The following KATNIP variants were observed in gnomAD, a reference collection of about 807,000 sequenced individuals.
KATNIP encodes the protein katanin-interacting protein.
Under a neutral mutation model 174.0 loss-of-function variants are expected in KATNIP, and 126 were observed. The observed-to-expected ratio is 0.72, with a 90% CI of 0.63 to 0.84. KATNIP has a LOEUF of 0.84. Among genes scored for constraint, KATNIP ranks in the 40% least tolerant of loss-of-function variants. The pLI, the probability that KATNIP is intolerant of heterozygous loss-of-function variation, is 0.00. For synonymous variants in KATNIP, 810 were observed against 835.7 expected (o/e 0.97, Z 0.53); for missense variants, 1,958 against 2,109.7 (o/e 0.93, Z 1.41).
chr16:27,602,535 A>G (rs2075563122), intron 2 of KATNIP, among the ~76,000 whole-genome samples: 1 of 152,180 alleles, frequency 6.6e-6, no homozygotes, highest in African/African-American at 2.4e-5. Context: ...CAACGGGTTC[A>G]TTCTGCCTGC....
chr16:27,583,176 G>A (rs1441076182), intron 2 of KATNIP, among the ~76,000 whole-genome samples: 1 of 152,158 alleles, frequency 6.6e-6, no homozygotes, highest in African/African-American at 2.4e-5. Context: ...AACCTTCCTG[G>A]TATCAGCTTA....
intron 4 of KATNIP, 152 bp downstream of exon 4, chr16:27,628,982 A>T (rs955109437): frequency 1.4e-5 from 10 of 717,110 alleles, no homozygotes; most frequent in Non-Finnish European, 2.3e-5. Flanking sequence ...AGCCTGGGCA[A>T]CATGGTGAAA....
chr16:27,620,576 A>G (rs895646707), intron 3 of KATNIP, among the ~76,000 whole-genome samples: 1 of 152,194 alleles, frequency 6.6e-6, no homozygotes, highest in Non-Finnish European at 1.5e-5. Context: ...CCGGATTGCC[A>G]GTGGCCCTAT....
intron 6 of KATNIP, among the ~76,000 whole-genome samples, chr16:27,659,325 A>G (rs891861161): frequency 3.9e-5 from 6 of 152,064 alleles, no homozygotes; most frequent in Non-Finnish European, 7.4e-5. Flanking sequence ...TAACCTAGGC[A>G]ACATAGTGAG....
At chr16:27,768,147 G>A (rs2082183873) in intron 20 of KATNIP, among the ~76,000 whole-genome samples, 1 of 152,180 alleles carries the variant, frequency 6.6e-6, no homozygotes, top group African/African-American at 2.4e-5. Context: ...AGTGAAATGG[G>A]TGCTTTGACT....
At chr16:27,595,342 A>G (rs990628798) in intron 2 of KATNIP, among the ~76,000 whole-genome samples, 1 of 152,100 alleles carries the variant, frequency 6.6e-6, no homozygotes, top group Non-Finnish European at 1.5e-5. Context: ...AGCTGAGATC[A>G]CGCCTGCACT....
At chr16:27,647,508 AT>A (rs564224630) in intron 5 of KATNIP, among the ~76,000 whole-genome samples, 46 of 140,790 alleles carry the variant, frequency 3.3e-4, no homozygotes, top group Non-Finnish European at 3.4e-4. Flanking sequence ...CACCTGGCTA[AT>A]TTTTTTTTTT....
At chr16:27,725,689 G>A (rs1039060324) in intron 14 of KATNIP, among the ~76,000 whole-genome samples, 1 of 152,100 alleles carries the variant, frequency 6.6e-6, no homozygotes, top group Non-Finnish European at 1.5e-5. Flanking sequence ...TCCAAAAAGT[G>A]GGCTTCCAGC....
chr16:27,678,979 G>A (rs951150014), intron 7 of KATNIP: 2 of 152,302 alleles, frequency 1.3e-5, no homozygotes, highest in Non-Finnish European at 2.9e-5. Flanking sequence ...GCTTTGACTC[G>A]GGCTGGCCTG....
intron 7 of KATNIP, among the ~76,000 whole-genome samples, chr16:27,678,372 G>A (rs372468384): frequency 1.3e-5 from 2 of 151,872 alleles, no homozygotes; most frequent in Non-Finnish European, 2.9e-5. Flanking sequence ...CTCCCTCTTC[G>A]TCTTCTTTTC....
chr16:27,703,775 C>G, intron 11 of KATNIP, 121 bp from the exon 12 acceptor site: 1 of 760,790 alleles, frequency 1.3e-6, no homozygotes, highest in Non-Finnish European at 2.3e-6. Flanking sequence ...GAACTGGATA[C>G]AGAGTGCATA....
intron 17 of KATNIP, among the ~76,000 whole-genome samples, chr16:27,753,590 G>C (rs2081600075): frequency 6.6e-6 from 1 of 152,158 alleles, no homozygotes; most frequent in East Asian, 1.9e-4. Flanking sequence ...TTTTATCCTG[G>C]CTACCCGTGG....
At chr16:27,757,722 C>T (rs1378519031) in intron 18 of KATNIP, among the ~76,000 whole-genome samples, 2 of 152,210 alleles carry the variant, frequency 1.3e-5, no homozygotes, top group Non-Finnish European at 2.9e-5. Flanking sequence ...TCTCTCTGAA[C>T]CTTTGGCTTT....
intron 1 of KATNIP, among the ~76,000 whole-genome samples, chr16:27,571,671 G>A (rs976795495): frequency 5.9e-5 from 9 of 152,224 alleles, no homozygotes; most frequent in African/African-American, 2.2e-4. Context: ...GGCCCTGCTG[G>A]CATCTCACTG....
intron 5 of KATNIP, 51 bp downstream of exon 5, chr16:27,631,213 G>C: frequency 2.2e-6 from 3 of 1,377,028 alleles, no homozygotes; most frequent in Non-Finnish European, 3.0e-6. Context: ...AGTGTGGGTG[G>C]CTGTGGGAAT....
At chr16:27,602,524 C>G (rs970704232) in intron 2 of KATNIP, among the ~76,000 whole-genome samples, 2 of 152,156 alleles carry the variant, frequency 1.3e-5, no homozygotes, top group African/African-American at 2.4e-5. Flanking sequence ...TTGTAACTGC[C>G]CAACGGGTTC....
intron 5 of KATNIP, among the ~76,000 whole-genome samples, chr16:27,641,665 A>C (rs1337096075): frequency 2.0e-5 from 3 of 152,332 alleles, no homozygotes; most frequent in Admixed American, 6.5e-5. Flanking sequence ...TCCTGATCTT[A>C]TGCTATTGGA....
At chr16:27,760,817 G>A (rs147754068) in intron 18 of KATNIP, among the ~76,000 whole-genome samples, 22 of 152,340 alleles carry the variant, frequency 1.4e-4, no homozygotes, top group Non-Finnish European at 2.6e-4. Flanking sequence ...AAAGGGAAGT[G>A]TACAGTGGCA....
chr16:27,708,237 G>T (rs891274270), intron 12 of KATNIP, among the ~76,000 whole-genome samples: 1 of 151,734 alleles, frequency 6.6e-6, no homozygotes, highest in Admixed American at 6.6e-5. Context: ...TGCTTAGGCT[G>T]ATCTTGAACT....
Sources: gnomAD v4.1 joint callset for allele counts (sites outside exome capture counted in the v4.1 genomes callset) on GRCh38, gnomAD v4.1.1 for gene constraint, MANE v1.5 for transcripts, NCBI Gene and HGNC (gene_info 2026-07-23, HGNC 2026-07-21) for gene names.